Variants in MECOM observed in about 807,000 individuals in gnomAD.
The protein encoded by MECOM is histone-lysine N-methyltransferase MECOM.
A neutral mutation model predicts 116.3 loss-of-function variants in MECOM; 13 were observed. The observed-to-expected ratio is 0.11, with a 90% CI of 0.07 to 0.18. The LOEUF is 0.18. Ranked by LOEUF, MECOM falls within the 10% of genes least tolerant of loss-of-function variation. The pLI, the probability that MECOM is intolerant of heterozygous loss-of-function variation, is 1.00. For synonymous variants in MECOM, 528 were observed against 535.2 expected, an observed-to-expected ratio of 0.99 and a Z score of 0.19; for missense variants, 1,299 against 1,509.0, an observed-to-expected ratio of 0.86 and a Z score of 2.31.
chr3:169,208,946 T>C (rs899600821), intron 2 of MECOM, among the ~76,000 whole-genome samples: 1 of 146,988 alleles, frequency 6.8e-6, no homozygotes, highest in Non-Finnish European at 1.5e-5. Flanking sequence ...CTTCAAACTA[T>C]ACTACAAGGC....
At chr3:169,346,066 G>A (rs1324719891) in intron 2 of MECOM, among the ~76,000 whole-genome samples, 1 of 151,920 alleles carries the variant, frequency 6.6e-6, no homozygotes, top group African/African-American at 2.4e-5. Flanking sequence ...AAAGAACAAG[G>A]CAAATTGCTC....
chr3:169,474,396 C>G (rs1750026020), intron 1 of MECOM, among the ~76,000 whole-genome samples: 2 of 152,152 alleles, frequency 1.3e-5, no homozygotes. Flanking sequence ...ATATAGATGT[C>G]AGTCTGTACT....
At position 169,439,999 on chromosome 3, in the gene MECOM, A is replaced by G. The variant is rs141588246; in HGVS notation, c.38-58475T>C. Reference sequence around the variant, plus strand: ...GTTTGGTAATACATACATAAGCAATAAAACCATTTTTTAAAGTAGAAGAAT... The same window carrying G: ...GTTTGGTAATACATACATAAGCAATGAAACCATTTTTTAAAGTAGAAGAAT... On this transcript the variant is annotated intron_variant, in intron 1 of 16. Coordinates refer to ENST00000651503, the MANE Select transcript of MECOM (RefSeq NM_004991.4). Among the ~76,000 whole-genome samples the G allele has an allele frequency of 1.6e-4, 25 of 152,294 alleles. 1 individual carries two copies. Among genetic ancestry groups the G allele is most frequent in the African/African-American group, 5.8e-4 (24 of 41,582 alleles).
intron 2 of MECOM, among the ~76,000 whole-genome samples, chr3:169,298,809 GA>G (rs1421356018): frequency 1.3e-5 from 2 of 152,168 alleles, no homozygotes; most frequent in Non-Finnish European, 2.9e-5. Flanking sequence ...TTACCTGCAG[GA>G]TGACCGAATG....
At chr3:169,114,338 G>A (rs1202834509) in intron 8 of MECOM, among the ~76,000 whole-genome samples, 2 of 152,084 alleles carry the variant, frequency 1.3e-5, no homozygotes, top group East Asian at 3.9e-4. Flanking sequence ...TCAAACGAGG[G>A]TAGTCCTTTC....
At chr3:169,446,116 T>G (rs191574272) in intron 1 of MECOM, among the ~76,000 whole-genome samples, 1 of 152,144 alleles carries the variant, frequency 6.6e-6, no homozygotes, top group African/African-American at 2.4e-5. Flanking sequence ...GTTAAGACAT[T>G]GGGGGACCAT....
intron 2 of MECOM, among the ~76,000 whole-genome samples, chr3:169,181,516 C>G (rs769878630): frequency 6.6e-6 from 1 of 152,140 alleles, no homozygotes; most frequent in Non-Finnish European, 1.5e-5. Context: ...CAACTCTTAA[C>G]TAGGTTAGTG....
rs1236312092 is a variant in MECOM, at chr3:169,146,586, G to C, written c.376-2754C>G. 9.5e-6 allele frequency: 13 copies of C among 1,373,326 alleles called. No homozygotes were observed. The East Asian group carries it at 3.8e-4, about 40-fold the overall frequency. 85.1% of individuals were successfully genotyped at this position (1,373,326 alleles called of 1,614,324 possible). A position where few individuals can be genotyped will look rare whatever the true frequency, so the allele number is the denominator to read the frequency against. On this transcript the variant is annotated intron_variant, in intron 2 of 16. Transcript: ENST00000651503. The stretch of plus-strand genomic sequence containing the variant: ...GTAGATAAGCAGCAGGGCTCCGCGA[G>C]ACTGCGGGCGAGGAGGAAAGAAGGC...
chr3:169,394,828 A>T (rs1474322696), intron 1 of MECOM, among the ~76,000 whole-genome samples: 4 of 152,270 alleles, frequency 2.6e-5, no homozygotes, highest in East Asian at 1.9e-4. Context: ...AGTACAAAGG[A>T]TTTATGAATT....
At chr3:169,212,988 C>T (rs1750966088) in intron 2 of MECOM, among the ~76,000 whole-genome samples, 1 of 151,848 alleles carries the variant, frequency 6.6e-6, no homozygotes, top group African/African-American at 2.4e-5. Flanking sequence ...TAACTATTAT[C>T]CTCAGGCATT....
intron 1 of MECOM, among the ~76,000 whole-genome samples, chr3:169,658,178 C>G (rs957108799): frequency 3.7e-4 from 56 of 152,130 alleles, no homozygotes; most frequent in African/African-American, 1.4e-3. Flanking sequence ...CCTGCGCCGT[C>G]CAGGAGAAAA....
intron 2 of MECOM, chr3:169,147,795 A>C: frequency 1.4e-6 from 1 of 690,590 alleles, no homozygotes; most frequent in African/African-American, 2.6e-5. Context: ...GATGGGAGGG[A>C]TGGGGAAGGG....
chr3:169,209,252 CT>C (rs1750380461), intron 2 of MECOM, among the ~76,000 whole-genome samples: 1 of 152,052 alleles, frequency 6.6e-6, no homozygotes, highest in Non-Finnish European at 1.5e-5. Context: ...CATAAAAATC[CT>C]AGAAGAAAAC....
chr3:169,337,051 T>C (rs1723692647), intron 2 of MECOM, among the ~76,000 whole-genome samples: 1 of 152,264 alleles, frequency 6.6e-6, no homozygotes, highest in Admixed American at 6.5e-5. Context: ...AAATAGGAAG[T>C]GATTCTGTCT....
Position 169,288,190 on chromosome 3 carries a change from G to C in MECOM, c.375+92997C>G, listed in dbSNP as rs372444692. Among the ~76,000 whole-genome samples the C allele has an allele frequency of 1.2e-3, 176 of 151,732 alleles. 8 individuals are homozygous for C. In the South Asian group the frequency reaches 0.035, roughly 30 times the overall value. On this transcript the variant is annotated intron_variant, in intron 2 of 16. Transcript: ENST00000651503. ...CTGCTTTCTCCATGTTTTACACTTG[G>C]GGGGTAGGGGGAGAAAGAGGAAAGA...
intron 2 of MECOM, among the ~76,000 whole-genome samples, chr3:169,214,415 C>A (rs1173853334): frequency 6.7e-6 from 1 of 149,182 alleles, no homozygotes; most frequent in African/African-American, 2.5e-5. Context: ...AATAATGGAG[C>A]CCAGGAGTGT....
chr3:169,663,010 C>T lies in MECOM; in HGVS notation c.37+326G>A, dbSNP rs534358929. ...TCTCTTCCCCCCCACCCCACCCCTT[C>T]GCGCTCACTCTCGCGCTCTCTCCTC... On this transcript the variant is annotated intron_variant, in intron 1 of 16. Transcript: ENST00000651503. Among the ~76,000 whole-genome samples, 149 of 134,782 alleles carry T rather than the reference C, an allele frequency of 1.1e-3. No homozygotes were observed. In the Middle Eastern group the frequency reaches 0.012, roughly 11 times the overall value. 88.4% of individuals were successfully genotyped at this position (134,782 alleles called of 152,430 possible).
At chr3:169,392,521 C>T (rs1203546485) in intron 1 of MECOM, among the ~76,000 whole-genome samples, 1 of 152,010 alleles carries the variant, frequency 6.6e-6, no homozygotes, top group Non-Finnish European at 1.5e-5. Context: ...CAATAAATAC[C>T]ACGTTGTGCC....
intron 3 of MECOM, among the ~76,000 whole-genome samples, chr3:169,137,101 C>A (rs1221159109): frequency 6.6e-6 from 1 of 152,068 alleles, no homozygotes; most frequent in East Asian, 1.9e-4. Flanking sequence ...CAACATTTGG[C>A]CTAAATGCTT....
Sources: gnomAD v4.1 joint callset for allele counts (sites outside exome capture counted in the v4.1 genomes callset) on GRCh38, gnomAD v4.1.1 for gene constraint, MANE v1.5 for transcripts, NCBI Gene and HGNC (gene_info 2026-07-23, HGNC 2026-07-21) for gene names.